TRAPPC9: variants seen among roughly 807,000 people sequenced by gnomAD.
TRAPPC9 encodes the protein trafficking protein particle complex subunit 9, also known as IKK2 binding protein.
In TRAPPC9, 83 loss-of-function variants were observed where a neutral mutation model predicts 124.0. That is an observed-to-expected ratio of 0.67 (90% CI 0.56 to 0.80). The LOEUF is 0.80. Among genes scored for constraint, TRAPPC9 ranks in the 30% least tolerant of loss-of-function variants. TRAPPC9 has a pLI of 0.00. For missense variants in TRAPPC9, 1,302 were observed against 1,508.3 expected (o/e 0.86, Z 2.27); for synonymous variants, 638 against 617.5 (o/e 1.03, Z -0.49).
intron 9 of TRAPPC9, among the ~76,000 whole-genome samples, chr8:140,359,016 A>G (rs1588211751): frequency 6.6e-6 from 1 of 152,256 alleles, no homozygotes; most frequent in African/African-American, 2.4e-5. Context: ...GCTGAAGAGA[A>G]CCACATCACC....
At chr8:140,249,844 G>A (rs570811170) in intron 16 of TRAPPC9, among the ~76,000 whole-genome samples, 22 of 151,982 alleles carry the variant, frequency 1.4e-4, no homozygotes, top group African/African-American at 4.6e-4. Context: ...TCCTGACCTC[G>A]TGATCCGCCC....
intron 19 of TRAPPC9, among the ~76,000 whole-genome samples, chr8:139,949,212 G>C (rs1482278048): frequency 6.6e-6 from 1 of 152,082 alleles, no homozygotes; most frequent in Non-Finnish European, 1.5e-5. Flanking sequence ...CAGGTACTAA[G>C]ACTGTAAAAG....
intron 19 of TRAPPC9, among the ~76,000 whole-genome samples, chr8:139,935,529 C>T (rs1833452746): frequency 6.6e-6 from 1 of 152,190 alleles, no homozygotes; most frequent in South Asian, 2.1e-4. Context: ...CCCTTTCTAG[C>T]TCCTTGCCTA....
At chr8:140,249,597 CTTTTTTTTTT>C (rs35511380) in intron 16 of TRAPPC9, among the ~76,000 whole-genome samples, 3 of 81,962 alleles carry the variant, frequency 3.7e-5, no homozygotes, top group African/African-American at 1.6e-4. Context: ...ATCTTTCACT[CTTTTTTTTTT>C]TTTTTTTTTT....
At chr8:140,403,785 G>A (rs1280049329) in intron 6 of TRAPPC9, among the ~76,000 whole-genome samples, 1 of 151,950 alleles carries the variant, frequency 6.6e-6, no homozygotes, top group African/African-American at 2.4e-5. Flanking sequence ...AGCCTCCCGA[G>A]TAGCTGGGAC....
At chr8:140,441,668 G>A (rs2071020573) in intron 2 of TRAPPC9, among the ~76,000 whole-genome samples, 1 of 151,886 alleles carries the variant, frequency 6.6e-6, no homozygotes, top group Non-Finnish European at 1.5e-5. Flanking sequence ...AGGCTCAGGT[G>A]ATCCTCCCAC....
chr8:140,128,230 G>A (rs756395284), intron 17 of TRAPPC9, among the ~76,000 whole-genome samples: 3 of 152,166 alleles, frequency 2.0e-5, no homozygotes, highest in Non-Finnish European at 2.9e-5. Flanking sequence ...AATTATGCTC[G>A]GTGGTGAGAC....
chr8:140,457,756 C>T (rs923858054), upstream of TRAPPC9: 22 of 997,298 alleles, frequency 2.2e-5, no homozygotes, highest in Middle Eastern at 5.1e-4. Context: ...GCGGCCGAGC[C>T]GGCGCTGCTC....
chr8:140,076,576 G>A (rs1395480069), intron 17 of TRAPPC9, among the ~76,000 whole-genome samples: 3 of 152,188 alleles, frequency 2.0e-5, no homozygotes, highest in African/African-American at 4.8e-5. Flanking sequence ...CAGGCCATGG[G>A]GCCCATCCCC....
chr8:140,238,700 A>T (rs1439960950), intron 16 of TRAPPC9, among the ~76,000 whole-genome samples: 1 of 152,256 alleles, frequency 6.6e-6, no homozygotes. Context: ...GTAAGATGTG[A>T]ATTGATTTCA....
Position 140,289,925 on chromosome 8 carries a change from G to T in TRAPPC9, c.1854+1068C>A, listed in dbSNP as rs149444894. The stretch of plus-strand genomic sequence containing the variant: ...TTCCAGGAGCTCAGACAGATTTCGG[G>T]AAACTATGCCACGTGCTAGAGGCCT... On this transcript the variant is annotated intron_variant, in intron 12 of 22. Transcript: ENST00000438773. Among the ~76,000 whole-genome samples, 588 of 152,260 alleles carry T rather than the reference G, an allele frequency of 3.9e-3. 1 individual carries two copies. Among genetic ancestry groups the T allele is most frequent in the African/African-American group, 0.013 (547 of 41,546 alleles).
intron 6 of TRAPPC9, among the ~76,000 whole-genome samples, chr8:140,399,497 G>C (rs2069194597): frequency 6.6e-6 from 1 of 152,224 alleles, no homozygotes; most frequent in African/African-American, 2.4e-5. Context: ...TACGAGACAT[G>C]GAATCAAAGG....
chr8:139,909,583 C>G (rs1017122920), intron 20 of TRAPPC9, among the ~76,000 whole-genome samples: 1 of 152,222 alleles, frequency 6.6e-6, no homozygotes, highest in African/African-American at 2.4e-5. Context: ...ATGAGGGAAC[C>G]TGGGCTTCTC....
intron 21 of TRAPPC9, among the ~76,000 whole-genome samples, chr8:139,782,872 T>C (rs572629787): frequency 2.6e-4 from 39 of 152,322 alleles, no homozygotes; most frequent in African/African-American, 9.4e-4. Flanking sequence ...GAAATTAAAT[T>C]AGCAATCACT....
In TRAPPC9 at chr8:139,746,026, G is replaced by A. The variant is rs143742129; in HGVS notation, c.3056-13824C>T. ...TCAGCACTTCAACCCAGGTCTCCCT[G>A]GCACCAAGGCCAGTGTGCACCTTCA... On this transcript the variant is annotated intron_variant, in intron 21 of 22. Coordinates refer to ENST00000438773, the MANE Select transcript of TRAPPC9 (RefSeq NM_001160372.4). Among the ~76,000 whole-genome samples, 10 of 152,284 alleles carry A rather than the reference G, an allele frequency of 6.6e-5. No homozygotes were observed. In the East Asian group the frequency reaches 1.9e-3, roughly 30 times the overall value.
intron 17 of TRAPPC9, among the ~76,000 whole-genome samples, chr8:140,033,676 T>TGTTTTG (rs61640655): frequency 9.5e-6 from 1 of 105,768 alleles, no homozygotes; most frequent in Non-Finnish European, 1.8e-5. Context: ...TTTTTTTTTT[T>TGTTTTG]TTTTTTTTTT....
chr8:140,073,616 G>C (rs1242702671), intron 17 of TRAPPC9, among the ~76,000 whole-genome samples: 2 of 152,224 alleles, frequency 1.3e-5, no homozygotes, highest in Non-Finnish European at 2.9e-5. Context: ...AGGGTTAATA[G>C]AATGTATCCA....
At chr8:139,732,620 G>A (rs1305392724) in intron 21 of TRAPPC9, among the ~76,000 whole-genome samples, 1 of 152,248 alleles carries the variant, frequency 6.6e-6, no homozygotes, top group African/African-American at 2.4e-5. Flanking sequence ...TTGGGGCACA[G>A]GCAGGCCCGA....
chr8:140,379,459 G>A (rs908932659), intron 7 of TRAPPC9, among the ~76,000 whole-genome samples: 4 of 152,132 alleles, frequency 2.6e-5, no homozygotes, highest in Admixed American at 1.3e-4. Context: ...GGGCAAGTGC[G>A]GAAAGGTCCT....
Sources: gnomAD v4.1 joint callset for allele counts (sites outside exome capture counted in the v4.1 genomes callset) on GRCh38, gnomAD v4.1.1 for gene constraint, MANE v1.5 for transcripts, NCBI Gene and HGNC (gene_info 2026-07-23, HGNC 2026-07-21) for gene names.